The following TSPAN16 variants were observed in gnomAD, a reference collection of about 807,000 sequenced individuals.
TSPAN16 encodes tetraspanin-16.
TSPAN16 carries 23 observed loss-of-function variants against 25.2 expected under a neutral mutation model. The ratio of observed to expected loss-of-function variants is 0.91; its 90% CI spans 0.66 to 1.29. The LOEUF is 1.29. Among genes scored for constraint, TSPAN16 ranks in the 50% most tolerant of loss-of-function variants. The pLI is 0.00. For missense variants in TSPAN16, 272 were observed against 299.9 expected, an observed-to-expected ratio of 0.91 and a Z score of 0.69; for synonymous variants, 123 against 124.4, an observed-to-expected ratio of 0.99 and a Z score of 0.08.
rs778900290 is a variant in TSPAN16 at position 11,301,304 on chromosome 19, A to C, written c.446A>C (p.Glu149Ala). The C allele has an allele frequency of 1.2e-6, 2 of 1,612,240 alleles. No individual in the cohort carries two copies. Among genetic ancestry groups the C allele is most frequent in the Non-Finnish European group, 1.7e-6 (2 of 1,178,630 alleles). Residue 149 changes from glutamate (E) to alanine (A), a missense_variant, in exon 4 of 7, where the codon GAG becomes GCG. Glu to Ala is a moderately radical substitution (Grantham distance 107). Transcript: ENST00000590327. ...TCTACACAGTGGAACTTGGTCATGG[A>C]GAAGGTGAGGCTTACTTAAAAAAAA... ...DYSTQWNLVM[E>A]KLKCCGVNNY...
chr19:11,326,760 T>C (rs113307417), intron 6 of TSPAN16: 10,215 of 696,272 alleles, frequency 0.015, 590 homozygotes, highest in African/African-American at 0.14. Context: ...TGCCCCACCA[T>C]GCCCGGCTAA....
At chr19:11,314,812 A>C (rs2080728446) in intron 6 of TSPAN16, among the ~76,000 whole-genome samples, 1 of 152,104 alleles carries the variant, frequency 6.6e-6, no homozygotes, top group Non-Finnish European at 1.5e-5. Flanking sequence ...GTGGGGAAGG[A>C]ATACCCTACC....
At chr19:11,319,898 T>C (rs1158964745), downstream of TSPAN16, among the ~76,000 whole-genome samples, 2 of 152,040 alleles carry the variant, frequency 1.3e-5, no homozygotes, top group Admixed American at 1.3e-4. Flanking sequence ...CACTGCAAGC[T>C]CCACCTCCCG....
At chr19:11,298,065 A>G in intron 1 of TSPAN16, 77 bp from the exon 2 acceptor site, 1 of 1,486,578 alleles carries the variant, frequency 6.7e-7, no homozygotes, top group Non-Finnish European at 9.3e-7. Context: ...TACAGGCATG[A>G]GCCACCGCAC....
intron 4 of TSPAN16, among the ~76,000 whole-genome samples, chr19:11,305,549 A>T (rs552233418): frequency 1.3e-4 from 20 of 150,104 alleles, no homozygotes; most frequent in African/African-American, 4.0e-4. Context: ...AATAAAAATA[A>T]AAATAAAAAT....
Position 11,306,759 on chromosome 19 carries a change from A to T in TSPAN16, c.603+3A>T. 1 of 1,612,854 alleles carries T rather than the reference A, an allele frequency of 6.2e-7. No individual in the cohort carries two copies. Among genetic ancestry groups the T allele is most frequent in the South Asian group, 1.1e-5 (1 of 90,970 alleles). On this transcript the variant is annotated splice_donor_region_variant and intron_variant, in intron 5 of 6. Coordinates refer to ENST00000590327, the MANE Select transcript of TSPAN16 (RefSeq NM_001282509.2). The stretch of plus-strand genomic sequence containing the variant: ...CTCCAAACGTCATCCACCAGAAGGT[A>T]ACTGGAGATTTTGTGTGTTGCCTTG...
At chr19:11,298,433 C>T (rs2080504524) in intron 2 of TSPAN16, 94 bp downstream of exon 2, 1 of 1,237,070 alleles carries the variant, frequency 8.1e-7, no homozygotes, top group South Asian at 1.5e-5. Flanking sequence ...TTGGTGTCAC[C>T]TATTTTTTTT....
In TSPAN16 at chr19:11,298,425, G is replaced by T; in HGVS notation, c.267+86G>T. 3 of 1,347,110 alleles carry T rather than the reference G, an allele frequency of 2.2e-6. No homozygotes were observed. In the South Asian group the frequency reaches 4.1e-5, roughly 18 times the overall value. The allele number at this position is 1,347,110 out of a possible 1,614,324, so 83.4% of individuals were successfully genotyped here. A position where few individuals can be genotyped will look rare whatever the true frequency, so the allele number is the denominator to read the frequency against. ...GTGCGTGTTGCAAACAACTTTGCTT[G>T]GTGTCACCTATTTTTTTTTTTTTTG... On this transcript the variant is annotated intron_variant, in intron 2 of 6. Coordinates refer to ENST00000590327, the MANE Select transcript of TSPAN16 (RefSeq NM_001282509.2).
intron 6 of TSPAN16, among the ~76,000 whole-genome samples, chr19:11,315,489 G>A (rs946741037): frequency 1.2e-4 from 18 of 150,836 alleles, no homozygotes; most frequent in Admixed American, 4.0e-4. Context: ...CCTGGGAGGC[G>A]GAGCTTGTAG....
intron 6 of TSPAN16, chr19:11,324,622 CTAA>C (rs1400206436): frequency 6.6e-6 from 1 of 152,592 alleles, no homozygotes; most frequent in African/African-American, 2.4e-5. Context: ...TCTGCCCAGT[CTAA>C]TGTGGTCCAT....
exon 7 of TSPAN16, chr19:11,326,829 T>G: frequency 3.0e-6 from 2 of 677,814 alleles, no homozygotes; most frequent in Non-Finnish European, 2.7e-6. Flanking sequence ...AGGCTGGTCT[T>G]GAACTGCTGG....
chr19:11,317,454 T>A (rs2147959509), downstream of TSPAN16, among the ~76,000 whole-genome samples: 1 of 152,312 alleles, frequency 6.6e-6, no homozygotes, highest in South Asian at 2.1e-4. Flanking sequence ...TACATGGGAC[T>A]ACAGGCATGC....
intron 1 of TSPAN16, among the ~76,000 whole-genome samples, 190 bp downstream of exon 1, chr19:11,296,556 G>C (rs1354427065): frequency 6.6e-6 from 1 of 152,200 alleles, no homozygotes; most frequent in Admixed American, 6.6e-5. Flanking sequence ...CCGAGAGCTG[G>C]TGAAATCCAG....
At chr19:11,308,291 A>ACAC (rs138344446) in intron 5 of TSPAN16, among the ~76,000 whole-genome samples, 1 of 58,970 alleles carries the variant, frequency 1.7e-5, no homozygotes, top group Non-Finnish European at 3.2e-5. Flanking sequence ...AGTCCCCATC[A>ACAC]CAACAACAAC....
intron 5 of TSPAN16, among the ~76,000 whole-genome samples, chr19:11,311,054 C>T (rs2080685430): frequency 6.6e-6 from 1 of 152,122 alleles, no homozygotes; most frequent in Non-Finnish European, 1.5e-5. Flanking sequence ...CCAGGTCAAT[C>T]TCGAACTCCT....
In TSPAN16 at chr19:11,315,953, G is replaced by C; in HGVS notation, c.*115G>C. On this transcript the variant is annotated 3_prime_UTR_variant, in exon 7 of 7. Transcript: ENST00000590327. ...TCTGGAGGGGAGACTGTTAATAAAA[G>C]ATTTGGGAACCCCCTGTCCAGCCTG... The C allele has an allele frequency of 8.1e-7, 1 of 1,229,420 alleles. No homozygotes were observed. Among genetic ancestry groups the C allele is most frequent in the Non-Finnish European group, 1.0e-6 (1 of 986,452 alleles). The allele number at this position is 1,229,420 out of a possible 1,614,324, so 76.2% of individuals were successfully genotyped here. A position where few individuals can be genotyped will look rare whatever the true frequency, so the allele number is the denominator to read the frequency against.
At chr19:11,312,803 G>A (rs2080707519) in intron 6 of TSPAN16, among the ~76,000 whole-genome samples, 1 of 151,700 alleles carries the variant, frequency 6.6e-6, no homozygotes, top group African/African-American at 2.4e-5. Context: ...AGACTGAAGG[G>A]CAAAAAAAGG....
At chr19:11,306,512 G>C in intron 4 of TSPAN16, 92 bp from the exon 5 acceptor site, 1 of 1,462,224 alleles carries the variant, frequency 6.8e-7, no homozygotes, top group Non-Finnish European at 9.5e-7. Context: ...GGGATATTGT[G>C]ACCATACTAG....
Position 11,315,235 on chromosome 19 carries a change from CAATAATAATAATAATAAT to C in TSPAN16, c.688-533_688-516del, listed in dbSNP as rs58115943. On this transcript the variant is annotated intron_variant, in intron 6 of 6. Transcript: ENST00000590327. ...TGGGCAACAGAGTGAGACTCCTTCTCAATAATAATAATAATAATAATAATAATAATAATAATAATAGGC... is the reference window on the plus strand; with the variant it reads ...TGGGCAACAGAGTGAGACTCCTTCTCAATAATAATAATAATAATAATAGGC... 2.3e-3 allele frequency among the ~76,000 whole-genome samples: 285 copies of C among 124,738 alleles called. 1 individual carries two copies. Among genetic ancestry groups the C allele is most frequent in the Non-Finnish European group, 3.2e-3 (194 of 61,082 alleles). 81.8% of individuals were successfully genotyped at this position (124,738 alleles called of 152,430 possible).
Sources: allele counts gnomAD v4.1 joint callset (sites outside exome capture counted in the v4.1 genomes callset), GRCh38; gene constraint gnomAD v4.1.1; transcripts MANE v1.5; gene names NCBI Gene and HGNC (gene_info 2026-07-23, HGNC 2026-07-21).